Variants in ADAMTS18 observed in about 807,000 individuals in gnomAD.
The protein encoded by ADAMTS18 is A disintegrin and metalloproteinase with thrombospondin motifs 18.
In ADAMTS18, 157 loss-of-function variants were observed where a neutral mutation model predicts 165.9. That is an observed-to-expected ratio of 0.95 (90% confidence interval 0.83 to 1.08). ADAMTS18 has a LOEUF of 1.08. ADAMTS18 is among the 50% of genes least tolerant of loss of function. The pLI is 0.00. For missense variants in ADAMTS18, 2,040 were observed against 1,534.0 expected, an observed-to-expected ratio of 1.33 and a Z score of -5.51; for synonymous variants, 782 against 578.2, an observed-to-expected ratio of 1.35 and a Z score of -5.06.
intron 3 of ADAMTS18, among the ~76,000 whole-genome samples, chr16:77,368,225 A>G (rs370927673): frequency 1.4e-4 from 21 of 152,254 alleles, no homozygotes; most frequent in African/African-American, 4.6e-4. Flanking sequence ...GAAAGCTAGC[A>G]TGGGCACCCA....
At chr16:77,424,439 G>T (rs541991000) in intron 3 of ADAMTS18, among the ~76,000 whole-genome samples, 160 of 150,554 alleles carry the variant, frequency 1.1e-3, no homozygotes, top group Non-Finnish European at 1.3e-3. Context: ...TTGCACTCCA[G>T]CCTGGGCAAC....
intron 10 of ADAMTS18, among the ~76,000 whole-genome samples, chr16:77,351,579 A>T (rs1415750731): frequency 6.6e-6 from 1 of 152,238 alleles, no homozygotes; most frequent in Non-Finnish European, 1.5e-5. Context: ...CATAGTATGT[A>T]ATAAATTTGT....
In ADAMTS18 at chr16:77,306,650, G is replaced by C. The variant is rs538074066; in HGVS notation, c.2533-6246C>G. ...TAGCTTTTTATTTAATGCATGCTAG[G>C]AAACTCAATTCCTGTCCTCAATAAT... On this transcript the variant is annotated intron_variant, in intron 16 of 22. Coordinates refer to ENST00000282849, the MANE Select transcript of ADAMTS18 (RefSeq NM_199355.4). Among the ~76,000 whole-genome samples, 33 of 152,104 alleles carry C rather than the reference G, an allele frequency of 2.2e-4. No individual in the cohort carries two copies. The South Asian group carries it at 6.6e-3, about 31-fold the overall frequency.
Position 77,434,835 on chromosome 16 carries a change from G to A in ADAMTS18, c.-140C>T, listed in dbSNP as rs938276750. 1 of 652,464 alleles carries A rather than the reference G, an allele frequency of 1.5e-6. No individual in the cohort carries two copies. The highest frequency in any genetic ancestry group is 1.9e-5 in the African/African-American group (1 of 51,774). 40.4% of individuals were successfully genotyped at this position (652,464 alleles called of 1,614,324 possible). A position where few individuals can be genotyped will look rare whatever the true frequency, so the allele number is the denominator to read the frequency against. On this transcript the variant is annotated 5_prime_UTR_variant, in exon 1 of 23. Transcript: ENST00000282849. ...GAGAGCCGCCGCCGTTCACATCGCA[G>A]CGGGGGCGCGCTGGGACCTCCCCTC...
chr16:77,412,273 G>A (rs930458853), intron 3 of ADAMTS18, among the ~76,000 whole-genome samples: 1 of 152,136 alleles, frequency 6.6e-6, no homozygotes, highest in Non-Finnish European at 1.5e-5. Context: ...TTCTCAACGA[G>A]TCTTGGGACT....
At chr16:77,317,571 T>C (rs2055910685) in intron 16 of ADAMTS18, among the ~76,000 whole-genome samples, 1 of 152,226 alleles carries the variant, frequency 6.6e-6, no homozygotes, top group Admixed American at 6.5e-5. Context: ...TGGCCTCAAG[T>C]GATCCACCTG....
At chr16:77,357,160 A>G (rs2056643965) in intron 8 of ADAMTS18, among the ~76,000 whole-genome samples, 1 of 152,144 alleles carries the variant, frequency 6.6e-6, no homozygotes, top group African/African-American at 2.4e-5. Context: ...TTATCCTGAT[A>G]TAATTTCATT....
chr16:77,367,837 G>C, intron 3 of ADAMTS18, 114 bp from the exon 4 acceptor site: 1 of 1,183,570 alleles, frequency 8.4e-7, no homozygotes, highest in South Asian at 1.2e-5. Context: ...GGAGCTAAAA[G>C]CTTCACACAT....
In ADAMTS18 at chr16:77,295,022, T is replaced by C; in HGVS notation, c.2907A>G (p.Ala969=). ...VQKKPFQKEE[A]VLHSLCPVST... is the part of the protein sequence containing the mutation. ...TCACTGGACAGAGAGAATGCAACAC[T>C]GCTTCCTCCTTTTGGAAGGGCTTCT... Residue 969 remains alanine, a synonymous_variant, in exon 19 of 23, where the codon GCA becomes GCG. Transcript: ENST00000282849. 1.9e-6 allele frequency: 3 copies of C among 1,614,206 alleles called. No homozygotes were observed. The highest frequency in any genetic ancestry group is 1.7e-6 in the Non-Finnish European group (2 of 1,180,036).
chr16:77,396,232 T>C (rs548813557), intron 3 of ADAMTS18, among the ~76,000 whole-genome samples: 225 of 152,326 alleles, frequency 1.5e-3, no homozygotes, highest in African/African-American at 5.1e-3. Flanking sequence ...ACATTCCAGT[T>C]GGGTAAATAC....
chr16:77,372,509 G>C (rs1471415178), intron 3 of ADAMTS18, among the ~76,000 whole-genome samples: 2 of 151,996 alleles, frequency 1.3e-5, no homozygotes, highest in Non-Finnish European at 2.9e-5. Context: ...GATGTGTAGA[G>C]CCTGAAATCA....
chr16:77,286,498 C>T (rs2055253693), intron 22 of ADAMTS18, among the ~76,000 whole-genome samples: 1 of 152,102 alleles, frequency 6.6e-6, no homozygotes, highest in Non-Finnish European at 1.5e-5. Context: ...TTCTTTAATA[C>T]TCAAAACAGT....
At chr16:77,294,363 G>C (rs1026768904) in intron 19 of ADAMTS18, among the ~76,000 whole-genome samples, 1 of 152,074 alleles carries the variant, frequency 6.6e-6, no homozygotes. Context: ...ACATCAAAAT[G>C]TCTCCTGGTA....
Position 77,404,748 on chromosome 16 carries a change from T to C in ADAMTS18, c.495+26547A>G, listed in dbSNP as rs375146566. On this transcript the variant is annotated intron_variant, in intron 3 of 22. Transcript: ENST00000282849. The stretch of plus-strand genomic sequence containing the variant: ...TGTGATCCTTTGCGTCTAAGGTGAC[T>C]GATTCTATGCTAGGCTCTGAAGCTG... Among the ~76,000 whole-genome samples, 5 of 152,174 alleles carry C rather than the reference T, an allele frequency of 3.3e-5. No individual in the cohort carries two copies. In the East Asian group the frequency reaches 9.7e-4, roughly 29 times the overall value.
intron 3 of ADAMTS18, among the ~76,000 whole-genome samples, chr16:77,422,703 C>CA (rs1167112656): frequency 4.6e-5 from 7 of 151,810 alleles, no homozygotes; most frequent in Admixed American, 2.0e-4. Context: ...ATTCCAGAGC[C>CA]AAAAAAATGC....
intron 3 of ADAMTS18, among the ~76,000 whole-genome samples, chr16:77,409,403 T>G (rs186982649): frequency 1.4e-4 from 21 of 152,250 alleles, no homozygotes; most frequent in Admixed American, 3.3e-4. Flanking sequence ...ACTGCATTAG[T>G]GTCAAAAGTA....
chr16:77,289,480 T>C (rs967080758), intron 21 of ADAMTS18, 69 bp from the exon 22 acceptor site: 7 of 1,555,542 alleles, frequency 4.5e-6, no homozygotes, highest in Non-Finnish European at 6.2e-6. Context: ...ACAGAAGGAA[T>C]TCCCATGCTT....
At chr16:77,298,496 G>A (rs1043914229) in intron 17 of ADAMTS18, among the ~76,000 whole-genome samples, 5 of 152,054 alleles carry the variant, frequency 3.3e-5, no homozygotes, top group South Asian at 2.1e-4. Flanking sequence ...AGGCACTTAC[G>A]AAAACCACAT....
chr16:77,321,223 G>A (rs373104067), intron 14 of ADAMTS18, 21 bp from the exon 15 acceptor site: 79 of 1,613,800 alleles, frequency 4.9e-5, no homozygotes, highest in Non-Finnish European at 6.4e-5. Context: ...AACAAAAAAC[G>A]TGAGAAAATA....
Sources: gnomAD v4.1 joint callset for allele counts (sites outside exome capture counted in the v4.1 genomes callset) on GRCh38, gnomAD v4.1.1 for gene constraint, MANE v1.5 for transcripts, NCBI Gene and HGNC (gene_info 2026-07-23, HGNC 2026-07-21) for gene names.